NRG1: variants seen among roughly 807,000 people sequenced by gnomAD.
The protein encoded by NRG1 is pro-neuregulin-1, membrane-bound isoform.
In NRG1, 18 loss-of-function variants were observed where a neutral mutation model predicts 63.8. The ratio of observed to expected loss-of-function variants is 0.28; its 90% CI spans 0.19 to 0.42. The LOEUF (loss-of-function observed/expected upper bound fraction) is 0.42. Ranked by LOEUF, NRG1 falls within the 10% of genes least tolerant of loss-of-function variation. The pLI is 1.00. For missense variants in NRG1, 762 were observed against 814.7 expected, an observed-to-expected ratio of 0.94 and a Z score of 0.79; for synonymous variants, 302 against 301.3, an observed-to-expected ratio of 1.00 and a Z score of -0.02.
intron 3 of NRG1, among the ~76,000 whole-genome samples, chr8:32,608,712 T>C (rs1217919689): frequency 6.6e-6 from 1 of 152,050 alleles, no homozygotes; most frequent in Non-Finnish European, 1.5e-5. Context: ...GTGGCTTTTC[T>C]CTCTGGTGTT....
intron 1 of NRG1, among the ~76,000 whole-genome samples, chr8:32,456,914 C>G (rs909265419): frequency 6.6e-5 from 10 of 152,042 alleles, no homozygotes; most frequent in Admixed American, 2.6e-4. Flanking sequence ...GGTGGATCAC[C>G]TGAGATCATG....
chr8:32,273,311 C>T (rs186438396), intron 1 of NRG1, among the ~76,000 whole-genome samples: 105 of 152,136 alleles, frequency 6.9e-4, no homozygotes, highest in Admixed American at 1.5e-3. Flanking sequence ...AACCCCCTCC[C>T]GACTTTTGGA....
At chr8:32,027,662 C>A (rs540359911) in intron 1 of NRG1, among the ~76,000 whole-genome samples, 1 of 152,134 alleles carries the variant, frequency 6.6e-6, no homozygotes, top group African/African-American at 2.4e-5. Flanking sequence ...AATTTACTTT[C>A]ATGGATTATC....
At chr8:32,344,446 T>TGC (rs1804587117) in intron 1 of NRG1, among the ~76,000 whole-genome samples, 2 of 116,464 alleles carry the variant, frequency 1.7e-5, no homozygotes, top group Non-Finnish European at 3.5e-5. Flanking sequence ...TGTGTGTGTG[T>TGC]GTGTGTGTGT....
At chr8:31,731,528 T>G (rs1814068878) in intron 1 of NRG1, among the ~76,000 whole-genome samples, 1 of 152,030 alleles carries the variant, frequency 6.6e-6, no homozygotes, top group Admixed American at 6.6e-5. Context: ...TAAATACAAA[T>G]TAATACTTTT....
chr8:32,655,762 G>T (rs1801341112), intron 5 of NRG1, among the ~76,000 whole-genome samples: 1 of 152,100 alleles, frequency 6.6e-6, no homozygotes, highest in Non-Finnish European at 1.5e-5. Flanking sequence ...CACTGCATGA[G>T]GGGCTTCATT....
At chr8:31,872,544 T>G (rs1829580259) in intron 1 of NRG1, among the ~76,000 whole-genome samples, 1 of 152,260 alleles carries the variant, frequency 6.6e-6, no homozygotes, top group East Asian at 1.9e-4. Flanking sequence ...AAATGAGCTA[T>G]TTTTTTCTTC....
chr8:32,037,371 G>A (rs1230905152), intron 1 of NRG1, among the ~76,000 whole-genome samples: 1 of 152,134 alleles, frequency 6.6e-6, no homozygotes, highest in African/African-American at 2.4e-5. Flanking sequence ...GGTGTATGGA[G>A]ACCCCTGTTG....
intron 1 of NRG1, among the ~76,000 whole-genome samples, chr8:32,035,217 C>A: frequency 6.6e-6 from 1 of 152,078 alleles, no homozygotes; most frequent in East Asian, 1.9e-4. Context: ...AGGTGTCATT[C>A]AGGAGCAGGT....
At chr8:32,061,769 G>T (rs1431483789) in intron 1 of NRG1, 1 of 152,016 alleles carries the variant, frequency 6.6e-6, no homozygotes, top group African/African-American at 2.4e-5. Context: ...GAAGCTGTTG[G>T]CCAGACGAGC....
chr8:31,969,957 A>G (rs946109095), intron 1 of NRG1, among the ~76,000 whole-genome samples: 1 of 152,152 alleles, frequency 6.6e-6, no homozygotes, highest in Admixed American at 6.5e-5. Flanking sequence ...GATATTTTCT[A>G]TAAGTTGTGA....
At chr8:31,943,501 C>T (rs1802076634) in intron 1 of NRG1, among the ~76,000 whole-genome samples, 1 of 151,460 alleles carries the variant, frequency 6.6e-6, no homozygotes. Flanking sequence ...CTCATGTAAC[C>T]AATCACCCCC....
intron 1 of NRG1, among the ~76,000 whole-genome samples, chr8:32,140,636 A>AT (rs1205816819): frequency 3.1e-4 from 47 of 151,598 alleles, no homozygotes; most frequent in Admixed American, 1.8e-3. Flanking sequence ...TAATTTCTTC[A>AT]TTTTTTTGTA....
intron 1 of NRG1, among the ~76,000 whole-genome samples, chr8:32,148,752 A>G (rs1028898320): frequency 6.6e-6 from 1 of 152,180 alleles, no homozygotes; most frequent in African/African-American, 2.4e-5. Flanking sequence ...CAATATGTAG[A>G]CACCCTTTCA....
intron 1 of NRG1, among the ~76,000 whole-genome samples, chr8:32,089,201 C>G (rs1828735668): frequency 1.3e-5 from 2 of 152,194 alleles, no homozygotes; most frequent in Admixed American, 6.5e-5. Context: ...TCATACTCCA[C>G]AGCAACAGAA....
intron 1 of NRG1, among the ~76,000 whole-genome samples, 173 bp from the exon 2 acceptor site, chr8:32,595,655 A>C (rs1843225105): frequency 6.6e-6 from 1 of 152,010 alleles, no homozygotes; most frequent in Admixed American, 6.6e-5. Context: ...TGGGCATTTT[A>C]TTTTTCTCCA....
chr8:32,303,804 G>C (rs1855899567), intron 1 of NRG1, among the ~76,000 whole-genome samples: 1 of 152,214 alleles, frequency 6.6e-6, no homozygotes, highest in African/African-American at 2.4e-5. Context: ...GTTTTTGGTG[G>C]AGTACTGCAT....
chr8:32,035,924 A>C (rs1426012221), intron 1 of NRG1, among the ~76,000 whole-genome samples: 9 of 152,234 alleles, frequency 5.9e-5, no homozygotes, highest in Admixed American at 2.6e-4. Flanking sequence ...CATTTAGCCC[A>C]TTTACATTTA....
chr8:32,087,295 G>A (rs1237151961), intron 1 of NRG1, among the ~76,000 whole-genome samples: 1 of 151,908 alleles, frequency 6.6e-6, no homozygotes, highest in Admixed American at 6.6e-5. Flanking sequence ...AGATCTGGTT[G>A]TTTAAAAGTG....
Sources: gnomAD v4.1 joint callset for allele counts (sites outside exome capture counted in the v4.1 genomes callset) on GRCh38, gnomAD v4.1.1 for gene constraint, MANE v1.5 for transcripts, NCBI Gene and HGNC (gene_info 2026-07-23, HGNC 2026-07-21) for gene names.